PYGO1: variants seen among roughly 807,000 people sequenced by gnomAD.
PYGO1 encodes the protein pygopus homolog 1.
A neutral mutation model predicts 29.5 loss-of-function variants in PYGO1; 6 were observed. The ratio of observed to expected loss-of-function variants is 0.20; its 90% CI spans 0.11 to 0.40. PYGO1 has a LOEUF of 0.40. Among genes scored for constraint, PYGO1 ranks in the 10% least tolerant of loss-of-function variants. The pLI is 1.00. For missense variants in PYGO1, 515 were observed against 514.9 expected (o/e 1.00, Z 0.00); for synonymous variants, 186 against 180.5 (o/e 1.03, Z -0.24).
intron 1 of PYGO1, among the ~76,000 whole-genome samples, chr15:55,585,846 A>G (rs961881650): frequency 1.3e-5 from 2 of 152,268 alleles, no homozygotes; most frequent in East Asian, 3.8e-4. Flanking sequence ...AAAATTATAC[A>G]GCACAAATAT....
intron 1 of PYGO1, among the ~76,000 whole-genome samples, chr15:55,558,790 G>A (rs2058919299): frequency 6.6e-6 from 1 of 152,000 alleles, no homozygotes; most frequent in African/African-American, 2.4e-5. Flanking sequence ...TATGTAGAAA[G>A]CTGAAACTGG....
At chr15:55,547,268 C>A in intron 2 of PYGO1, 121 bp from the exon 3 acceptor site, 1 of 747,856 alleles carries the variant, frequency 1.3e-6, no homozygotes, top group Non-Finnish European at 2.0e-6. Flanking sequence ...TGTTAACAAA[C>A]ATTTATTATC....
chr15:55,580,984 GC>G (rs2141677350), intron 1 of PYGO1, among the ~76,000 whole-genome samples: 1 of 152,314 alleles, frequency 6.6e-6, no homozygotes, highest in East Asian at 1.9e-4. Context: ...CATTTGTTGA[GC>G]TTGTGGAAGT....
chr15:55,576,105 C>T (rs1238918787), intron 1 of PYGO1, among the ~76,000 whole-genome samples: 1 of 152,146 alleles, frequency 6.6e-6, no homozygotes, highest in Non-Finnish European at 1.5e-5. Context: ...TTTCAAGTCC[C>T]ATCAGCCAGA....
At chr15:55,572,621 G>A (rs537938448) in intron 1 of PYGO1, among the ~76,000 whole-genome samples, 1 of 152,108 alleles carries the variant, frequency 6.6e-6, no homozygotes, top group Non-Finnish European at 1.5e-5. Context: ...CTACAAAAAT[G>A]GGAGAAAATA....
intron 1 of PYGO1, among the ~76,000 whole-genome samples, chr15:55,577,881 T>C (rs866332270): frequency 3.9e-5 from 6 of 151,974 alleles, no homozygotes; most frequent in Non-Finnish European, 8.8e-5. Context: ...TTCAAGCAAT[T>C]TCCCTGCCTC....
intron 2 of PYGO1, among the ~76,000 whole-genome samples, chr15:55,548,368 G>C (rs16953251): frequency 0.38 from 57,605 of 151,532 alleles, 11,207 homozygotes; most frequent in South Asian, 0.51. Flanking sequence ...GCAGTATCTA[G>C]TCTATGCCTA....
chr15:55,561,599 C>A (rs896184231), intron 1 of PYGO1, among the ~76,000 whole-genome samples: 2 of 152,192 alleles, frequency 1.3e-5, no homozygotes, highest in Non-Finnish European at 2.9e-5. Context: ...AATCGCTTCC[C>A]ACCAGATTCC....
intron 1 of PYGO1, among the ~76,000 whole-genome samples, chr15:55,561,490 G>A (rs907889850): frequency 9.9e-5 from 15 of 152,182 alleles, no homozygotes; most frequent in African/African-American, 3.4e-4. Flanking sequence ...AGAAGAGTGA[G>A]CAAAGGAGGA....
intron 1 of PYGO1, among the ~76,000 whole-genome samples, chr15:55,556,185 A>G (rs7181379): frequency 0.043 from 6,514 of 152,200 alleles, 485 homozygotes; most frequent in African/African-American, 0.15. Context: ...TTTTCCACCC[A>G]AAAACAACAG....
chr15:55,584,447 G>C (rs1183143640), intron 1 of PYGO1, among the ~76,000 whole-genome samples: 3 of 152,142 alleles, frequency 2.0e-5, no homozygotes, highest in Non-Finnish European at 4.4e-5. Flanking sequence ...CCCACTATAT[G>C]GCACTGTGAT....
chr15:55,566,570 G>A (rs2058957869), intron 1 of PYGO1, among the ~76,000 whole-genome samples: 1 of 152,116 alleles, frequency 6.6e-6, no homozygotes, highest in Non-Finnish European at 1.5e-5. Flanking sequence ...AGAACAATTT[G>A]TTTTCTTTGG....
Position 55,542,387 on chromosome 15 carries a change from A to G in PYGO1, c.*3636T>C, listed in dbSNP as rs1333763420. 1 of 152,230 alleles carries G rather than the reference A, an allele frequency of 6.6e-6. No homozygotes were observed. Among genetic ancestry groups the G allele is most frequent in the Admixed American group, 6.5e-5 (1 of 15,278 alleles). 9.4% of individuals were successfully genotyped at this position (152,230 alleles called of 1,614,324 possible). A position where few individuals can be genotyped will look rare whatever the true frequency, so the allele number is the denominator to read the frequency against. On this transcript the variant is annotated 3_prime_UTR_variant, in exon 3 of 3. Transcript: ENST00000563719. ...GAAGAATAAGCACTAGTACAAGAAA[A>G]TCTTTAGTTTTATGTATATAACCTT... is the stretch of plus-strand genomic sequence containing the variant.
intron 1 of PYGO1, among the ~76,000 whole-genome samples, chr15:55,563,572 G>A (rs895886414): frequency 4.6e-5 from 7 of 152,038 alleles, no homozygotes; most frequent in South Asian, 4.2e-4. Context: ...GGCTGGTCTC[G>A]AGCTCCTGAC....
At chr15:55,563,366 C>CTTTTT (rs746208614) in intron 1 of PYGO1, among the ~76,000 whole-genome samples, 2 of 128,790 alleles carry the variant, frequency 1.6e-5, no homozygotes, top group Non-Finnish European at 3.3e-5. Context: ...TGAATAAATT[C>CTTTTT]TTTTTTTTTT....
chr15:55,551,514 T>C (rs138686299), intron 1 of PYGO1, among the ~76,000 whole-genome samples: 464 of 152,174 alleles, frequency 3.0e-3, no homozygotes, highest in African/African-American at 0.011. Context: ...AATACAGATG[T>C]GGCCGAGTGT....
intron 1 of PYGO1, among the ~76,000 whole-genome samples, chr15:55,563,345 G>A (rs2058941382): frequency 6.6e-6 from 1 of 150,916 alleles, no homozygotes; most frequent in South Asian, 2.1e-4. Context: ...AGGAGGTGGT[G>A]GTTGGTTACA....
intron 1 of PYGO1, among the ~76,000 whole-genome samples, chr15:55,569,141 C>T (rs2058969784): frequency 6.6e-6 from 1 of 151,798 alleles, no homozygotes; most frequent in Non-Finnish European, 1.5e-5. Context: ...AGGAGTTCCT[C>T]CTCAATTTTT....
chr15:55,568,377 T>C (rs918672671), intron 1 of PYGO1, among the ~76,000 whole-genome samples: 3 of 148,466 alleles, frequency 2.0e-5, no homozygotes, highest in African/African-American at 7.4e-5. Context: ...TAAATGGGAT[T>C]GCTTTCTTGA....
Sources: allele counts gnomAD v4.1 joint callset (sites outside exome capture counted in the v4.1 genomes callset), GRCh38; gene constraint gnomAD v4.1.1; transcripts MANE v1.5; gene names NCBI Gene and HGNC (gene_info 2026-07-23, HGNC 2026-07-21).